The following CREM variants were observed in gnomAD, a reference collection of about 807,000 sequenced individuals.
CREM encodes cAMP responsive element modulator.
In CREM, 13 loss-of-function variants were observed where a neutral mutation model predicts 37.3. The observed-to-expected ratio is 0.35, with a 90% CI of 0.23 to 0.55. The LOEUF is 0.55. Among genes scored for constraint, CREM ranks in the 20% least tolerant of loss-of-function variants. The pLI, the probability that CREM is intolerant of heterozygous loss-of-function variation, is 0.88. For missense variants in CREM, 296 were observed against 362.3 expected (o/e 0.82, Z 1.49); for synonymous variants, 124 against 120.2 (o/e 1.03, Z -0.21).
chr10:35,172,334 G>A (rs530134457), intron 3 of CREM, among the ~76,000 whole-genome samples: 1 of 152,278 alleles, frequency 6.6e-6, no homozygotes, highest in East Asian at 1.9e-4. Flanking sequence ...TGTTTTCAAA[G>A]TGTGGTGTGC....
intron 6 of CREM, among the ~76,000 whole-genome samples, chr10:35,197,747 G>A (rs2095252488): frequency 2.0e-5 from 3 of 152,134 alleles, no homozygotes; most frequent in South Asian, 4.1e-4. Flanking sequence ...GTGAGCCACC[G>A]CGCTCGGCCT....
chr10:35,179,515 AAAG>A, intron 5 of CREM: 1 of 432,456 alleles, frequency 2.3e-6, no homozygotes, highest in Non-Finnish European at 4.0e-6. Context: ...TTTGGGGTAA[AAAG>A]GAGAATTTTT....
chr10:35,126,992 T>A lies in CREM; in HGVS notation c.-256T>A, dbSNP rs1393565844. 6.6e-6 allele frequency: 1 copy of A among 152,424 alleles called. No homozygotes were observed. Among genetic ancestry groups the A allele is most frequent in the Non-Finnish European group, 1.5e-5 (1 of 68,256 alleles). The allele number at this position is 152,424 out of a possible 1,614,324, so 9.4% of individuals were successfully genotyped here. A position where few individuals can be genotyped will look rare whatever the true frequency, so the allele number is the denominator to read the frequency against. On this transcript the variant is annotated 5_prime_UTR_variant, in exon 1 of 8. Transcript: ENST00000685392. The stretch of plus-strand genomic sequence containing the variant: ...GGCGGGAGGACGCGGTTCGGTCGGC[T>A]GCAGCGCTACTTTTGGTCCGGGGTC...
intron 3 of CREM, among the ~76,000 whole-genome samples, chr10:35,177,307 GC>G (rs1409867767): frequency 3.3e-5 from 5 of 152,116 alleles, no homozygotes; most frequent in African/African-American, 1.2e-4. Context: ...TCCTGTGATG[GC>G]CCCTGATTCC....
At chr10:35,158,981 AT>A (rs964326698) in intron 3 of CREM, among the ~76,000 whole-genome samples, 1 of 151,458 alleles carries the variant, frequency 6.6e-6, no homozygotes, top group Admixed American at 6.6e-5. Flanking sequence ...AACAAAACCA[AT>A]TTTTTTTGAA....
At position 35,187,226 on chromosome 10, in the gene CREM, T is replaced by A. The variant is rs1477942807; in HGVS notation, c.410-974T>A. Among the ~76,000 whole-genome samples the A allele has an allele frequency of 5.6e-5, 6 of 106,376 alleles. No homozygotes were observed. The Admixed American group carries it at 6.1e-4, about 11-fold the overall frequency. 69.8% of individuals were successfully genotyped at this position (106,376 alleles called of 152,430 possible). A position where few individuals can be genotyped will look rare whatever the true frequency, so the allele number is the denominator to read the frequency against. On this transcript the variant is annotated intron_variant, in intron 5 of 7. Transcript: ENST00000685392. ...AATATATATTATATATTTATATATA[T>A]AAAATATATAATTATATATAACATA...
At chr10:35,142,174 C>T (rs765170397) in intron 2 of CREM, among the ~76,000 whole-genome samples, 2 of 151,988 alleles carry the variant, frequency 1.3e-5, no homozygotes, top group African/African-American at 2.4e-5. Flanking sequence ...GGGAATAGCT[C>T]GAGAGATTTC....
intron 1 of CREM, among the ~76,000 whole-genome samples, chr10:35,129,013 C>T (rs1315532624): frequency 6.6e-6 from 1 of 152,170 alleles, no homozygotes; most frequent in African/African-American, 2.4e-5. Context: ...CCCAACACAG[C>T]TTTAACAAAT....
chr10:35,206,640 G>A (rs2095531089), intron 6 of CREM, among the ~76,000 whole-genome samples: 1 of 152,136 alleles, frequency 6.6e-6, no homozygotes, highest in Non-Finnish European at 1.5e-5. Context: ...TTTTGCCTTT[G>A]ATAAAAACCT....
At chr10:35,195,899 T>C in intron 6 of CREM, 1 of 647,742 alleles carries the variant, frequency 1.5e-6, no homozygotes, top group African/African-American at 1.8e-5. Context: ...TCCTTTCCGC[T>C]TTGTAAAATG....
At chr10:35,196,079 A>G (rs777848338) in intron 6 of CREM, 5 of 1,614,008 alleles carry the variant, frequency 3.1e-6, no homozygotes, top group Non-Finnish European at 3.4e-6. Context: ...AGAACTCAGG[A>G]GTTGTCTGGC....
chr10:35,203,303 T>C (rs1168818470), intron 6 of CREM, among the ~76,000 whole-genome samples: 1 of 152,122 alleles, frequency 6.6e-6, no homozygotes, highest in African/African-American at 2.4e-5. Context: ...ACCTTGGCCT[T>C]CCAAAATGCT....
chr10:35,200,612 G>GGT, intron 6 of CREM, among the ~76,000 whole-genome samples: 2 of 152,174 alleles, frequency 1.3e-5, no homozygotes, highest in Non-Finnish European at 2.9e-5. Flanking sequence ...CAGGCATGGA[G>GGT]GTGTAGGATC....
chr10:35,153,840 A>T (rs936196610), intron 3 of CREM, among the ~76,000 whole-genome samples: 2 of 152,228 alleles, frequency 1.3e-5, no homozygotes, highest in African/African-American at 4.8e-5. Flanking sequence ...CGAGAGAATT[A>T]GTTCTGATAT....
chr10:35,138,006 C>T, intron 2 of CREM, 127 bp downstream of exon 2: 1 of 563,280 alleles, frequency 1.8e-6, no homozygotes, highest in Non-Finnish European at 2.7e-6. Flanking sequence ...ATAATATATA[C>T]TCAAATTATT....
chr10:35,198,111 T>A (rs954054888), intron 6 of CREM, among the ~76,000 whole-genome samples: 2 of 152,184 alleles, frequency 1.3e-5, no homozygotes, highest in Admixed American at 6.5e-5. Flanking sequence ...CCATTAATGG[T>A]CTACAGCTTA....
chr10:35,158,817 G>GTTTTTT (rs1491230780), intron 3 of CREM, among the ~76,000 whole-genome samples: 14 of 65,040 alleles, frequency 2.2e-4, no homozygotes, highest in African/African-American at 5.5e-4. Context: ...TTGTTGTTTT[G>GTTTTTT]TTTGTTTTTT....
intron 6 of CREM, among the ~76,000 whole-genome samples, chr10:35,191,149 C>A (rs965873645): frequency 6.9e-6 from 1 of 144,646 alleles, no homozygotes; most frequent in South Asian, 2.2e-4. Context: ...TTTTTCTTCA[C>A]GGAGATCTTG....
intron 3 of CREM, among the ~76,000 whole-genome samples, chr10:35,161,533 G>A (rs1218173318): frequency 1.3e-5 from 2 of 151,640 alleles, no homozygotes; most frequent in African/African-American, 2.4e-5. Context: ...GAGTGGTGTT[G>A]TGCACCTGTA....
Sources: allele counts gnomAD v4.1 joint callset (sites outside exome capture counted in the v4.1 genomes callset), GRCh38; gene constraint gnomAD v4.1.1; transcripts MANE v1.5; gene names NCBI Gene and HGNC (gene_info 2026-07-23, HGNC 2026-07-21).